The following GRIN2A variants were observed in gnomAD, a reference collection of about 807,000 sequenced individuals.
The protein encoded by GRIN2A is glutamate receptor ionotropic, NMDA 2A.
In GRIN2A, 22 loss-of-function variants were observed where a neutral mutation model predicts 113.4. The ratio of observed to expected loss-of-function variants is 0.19; its 90% CI spans 0.14 to 0.28. GRIN2A has a LOEUF of 0.28. Ranked by LOEUF, GRIN2A falls within the 10% of genes least tolerant of loss-of-function variation. The pLI, the probability that GRIN2A is intolerant of heterozygous loss-of-function variation, is 1.00. For synonymous variants in GRIN2A, 827 were observed against 738.4 expected, an observed-to-expected ratio of 1.12 and a Z score of -1.94; for missense variants, 1,502 against 1,887.0, an observed-to-expected ratio of 0.80 and a Z score of 3.78.
At chr16:9,850,062 C>A in intron 4 of GRIN2A, 101 bp from the exon 5 acceptor site, 1 of 967,360 alleles carries the variant, frequency 1.0e-6, no homozygotes, top group Non-Finnish European at 1.7e-6. Flanking sequence ...GTCTCAAGGG[C>A]CTTTCTGCCA....
chr16:10,106,974 A>G (rs2048512369), intron 2 of GRIN2A, among the ~76,000 whole-genome samples: 2 of 152,176 alleles, frequency 1.3e-5, no homozygotes, highest in Non-Finnish European at 2.9e-5. Flanking sequence ...ATCAGACAGA[A>G]GACATGATGT....
chr16:9,787,941 C>G (rs1241851549), intron 11 of GRIN2A, among the ~76,000 whole-genome samples: 2 of 152,152 alleles, frequency 1.3e-5, no homozygotes, highest in Non-Finnish European at 2.9e-5. Context: ...GGCAGGGAAG[C>G]CATCGAAAGA....
intron 4 of GRIN2A, among the ~76,000 whole-genome samples, chr16:9,851,359 A>T (rs1284173257): frequency 6.6e-6 from 1 of 152,158 alleles, no homozygotes; most frequent in African/African-American, 2.4e-5. Context: ...TCACGCTATG[A>T]TATGTAACAG....
intron 2 of GRIN2A, among the ~76,000 whole-genome samples, chr16:10,095,062 T>A (rs2048260189): frequency 6.6e-6 from 1 of 152,020 alleles, no homozygotes. Flanking sequence ...CTGGTGAACT[T>A]GTAAGTAGAG....
intron 2 of GRIN2A, among the ~76,000 whole-genome samples, chr16:10,148,346 T>C (rs1567333222): frequency 6.6e-6 from 1 of 152,224 alleles, no homozygotes; most frequent in Non-Finnish European, 1.5e-5. Context: ...AAGTATGACC[T>C]AAGTTATCAG....
intron 11 of GRIN2A, chr16:9,769,316 G>T: frequency 3.3e-6 from 1 of 307,246 alleles, no homozygotes; most frequent in Non-Finnish European, 6.1e-6. Flanking sequence ...TATAAAAATA[G>T]AGAATATAAT....
At chr16:9,772,922 C>CAAAAAAAAAAA (rs71400490) in intron 11 of GRIN2A, among the ~76,000 whole-genome samples, 8 of 104,978 alleles carry the variant, frequency 7.6e-5, no homozygotes, top group East Asian at 2.8e-4. Context: ...ACTTCAATTT[C>CAAAAAAAAAAA]AAAAAAAAAA....
chr16:9,862,713 T>C (rs1220615141), intron 4 of GRIN2A, among the ~76,000 whole-genome samples: 1 of 152,212 alleles, frequency 6.6e-6, no homozygotes, highest in Non-Finnish European at 1.5e-5. Flanking sequence ...TGTAATTAGC[T>C]AAAAAGTTAA....
chr16:9,963,883 C>T (rs1276167024), intron 2 of GRIN2A, among the ~76,000 whole-genome samples: 4 of 152,136 alleles, frequency 2.6e-5, no homozygotes, highest in Non-Finnish European at 4.4e-5. Flanking sequence ...GAGCTATGTG[C>T]CAGACATAGT....
rs2042851076 is a variant in GRIN2A at position 9,849,857 on chromosome 16, G to A, written c.1227C>T (p.Val409=). ...TGACGAATGGGGCCTCCTCCAGGGT[G>A]ACGATGCTGAGATGGTTGTCATCCG... The part of the protein sequence containing the change: ...CEPDDNHLSI[V]TLEEAPFVIV... Residue 409 remains valine (V), a synonymous_variant, in exon 5 of 13, where the codon GTC becomes GTT. Coordinates refer to ENST00000330684, the MANE Select transcript of GRIN2A (RefSeq NM_001134407.3). 6.2e-7 allele frequency: 1 copy of A among 1,613,888 alleles called. No individual in the cohort carries two copies. Among genetic ancestry groups the A allele is most frequent in the African/African-American group, 1.3e-5 (1 of 74,920 alleles).
intron 2 of GRIN2A, among the ~76,000 whole-genome samples, chr16:10,130,451 C>T (rs1367159789): frequency 1.3e-5 from 2 of 152,288 alleles, no homozygotes; most frequent in South Asian, 2.1e-4. Flanking sequence ...CATGATTCAC[C>T]GAACATCCCC....
intron 2 of GRIN2A, among the ~76,000 whole-genome samples, chr16:10,024,250 G>T (rs2046778892): frequency 6.6e-6 from 1 of 151,874 alleles, no homozygotes; most frequent in African/African-American, 2.4e-5. Context: ...TTGAGACGGA[G>T]CCTCGCTCTG....
At chr16:9,818,612 G>C (rs1159779679) in intron 10 of GRIN2A, among the ~76,000 whole-genome samples, 1 of 151,936 alleles carries the variant, frequency 6.6e-6, no homozygotes, top group Non-Finnish European at 1.5e-5. Context: ...CAAACCAATA[G>C]AAATATTAAT....
intron 2 of GRIN2A, among the ~76,000 whole-genome samples, chr16:9,969,929 C>T (rs757295349): frequency 1.3e-5 from 2 of 152,224 alleles, no homozygotes; most frequent in African/African-American, 4.8e-5. Flanking sequence ...CGCCTACTCC[C>T]GCACGCCATC....
At chr16:10,042,381 G>A (rs1465821467) in intron 2 of GRIN2A, among the ~76,000 whole-genome samples, 2 of 151,946 alleles carry the variant, frequency 1.3e-5, no homozygotes, top group Admixed American at 6.6e-5. Flanking sequence ...ACTTCAAGCA[G>A]CCCCACGGAG....
rs916597389 is a variant in GRIN2A at position 9,778,456 on chromosome 16, T to C, written c.2357-9367A>G. 5.9e-5 allele frequency among the ~76,000 whole-genome samples: 9 copies of C among 152,336 alleles called. 1 individual carries two copies. The South Asian group carries it at 1.9e-3, about 32-fold the overall frequency. ...TCAATCAATAGTCCTCAAAATCTGA[T>C]GACTTATCATGGGAAGGTTATGAGG... On this transcript the variant is annotated intron_variant, in intron 11 of 12. Transcript: ENST00000330684.
In GRIN2A at chr16:9,759,606, C is replaced by A. The variant is rs886052535; in HGVS notation, c.*3543G>T. On this transcript the variant is annotated 3_prime_UTR_variant, in exon 13 of 13. Coordinates refer to ENST00000330684, the MANE Select transcript of GRIN2A (RefSeq NM_001134407.3). ...AATTTTAATGCTTTCACCAGAAAAA[C>A]TAAATACTCAGACTCTCTGGCATCC... The A allele has an allele frequency of 4.4e-6, 1 of 229,322 alleles. No individual in the cohort carries two copies. Among genetic ancestry groups the A allele is most frequent in the Non-Finnish European group, 8.6e-6 (1 of 115,728 alleles). 14.2% of individuals were successfully genotyped at this position (229,322 alleles called of 1,614,324 possible).
At chr16:10,115,255 A>C (rs978257769) in intron 2 of GRIN2A, among the ~76,000 whole-genome samples, 12 of 152,038 alleles carry the variant, frequency 7.9e-5, no homozygotes, top group Admixed American at 7.2e-4. Context: ...TTACTTTGTA[A>C]TTTCCTTATG....
chr16:10,175,951 A>G (rs1198344646), intron 2 of GRIN2A, among the ~76,000 whole-genome samples: 1 of 151,642 alleles, frequency 6.6e-6, no homozygotes, highest in Non-Finnish European at 1.5e-5. Flanking sequence ...TTAGAACTTC[A>G]TCTACATCGA....
Sources: allele counts gnomAD v4.1 joint callset (sites outside exome capture counted in the v4.1 genomes callset), GRCh38; gene constraint gnomAD v4.1.1; transcripts MANE v1.5; gene names NCBI Gene and HGNC (gene_info 2026-07-23, HGNC 2026-07-21).